Variants in FREM2 observed in about 807,000 individuals in gnomAD.
The protein encoded by FREM2 is FRAS1-related extracellular matrix protein 2.
A neutral mutation model predicts 219.9 loss-of-function variants in FREM2; 119 were observed. The observed-to-expected ratio is 0.54, with a 90% CI of 0.47 to 0.63. The LOEUF (loss-of-function observed/expected upper bound fraction) is 0.63. FREM2 is among the 30% of genes least tolerant of loss of function. The pLI is 0.00. For missense variants in FREM2, 4,030 were observed against 3,993.6 expected, an observed-to-expected ratio of 1.01 and a Z score of -0.25; for synonymous variants, 1,562 against 1,522.8, an observed-to-expected ratio of 1.03 and a Z score of -0.60.
At position 38,856,639 on chromosome 13, in the gene FREM2, G is replaced by A. The variant is rs763806717; in HGVS notation, c.7056+383G>A. ...GTGCCACAACTCATAAAACATATTC[G>A]AACCCACAAAGCAGTTAGCTAACCC... On this transcript the variant is annotated intron_variant, in intron 12 of 23. Coordinates refer to ENST00000280481, the MANE Select transcript of FREM2 (RefSeq NM_207361.6). Among the ~76,000 whole-genome samples the A allele has an allele frequency of 5.0e-4, 76 of 151,740 alleles. 1 individual carries two copies. The highest frequency in any genetic ancestry group is 7.4e-5 in the Non-Finnish European group (5 of 68,022).
rs539709715 is a variant in FREM2, at chr13:38,806,002, CT to C, written c.6019+21207del. On this transcript the variant is annotated intron_variant, in intron 6 of 23. Transcript: ENST00000280481. ...CACTTTTTTGATAGTCATTTAACAT[CT>C]TTTTTTTTTTTTGTAATAGTTTCCG... 6.7e-3 allele frequency among the ~76,000 whole-genome samples: 956 copies of C among 141,848 alleles called. 8 individuals are homozygous for C. Among genetic ancestry groups the C allele is most frequent in the African/African-American group, 0.015 (591 of 38,976 alleles). 93.1% of individuals were successfully genotyped at this position (141,848 alleles called of 152,430 possible).
In FREM2 at chr13:38,851,840, T is replaced by A; in HGVS notation, c.6897T>A (p.Ser2299=). 1.9e-6 allele frequency: 3 copies of A among 1,613,904 alleles called. No individual in the cohort carries two copies. The South Asian group carries it at 3.3e-5, about 18-fold the overall frequency. The change falls in exon 11 of 24, where the codon TCT becomes TCA. Residue 2299 remains serine, a synonymous_variant. Transcript: ENST00000280481. Reference sequence around the variant, plus strand: ...ACACCAAGGATGGCTCGGCCACCTCTGGAGAAGACTACCACCCTGTGTCAG... The same window carrying A: ...ACACCAAGGATGGCTCGGCCACCTCAGGAGAAGACTACCACCCTGTGTCAG... ...RVHTKDGSAT[S]GEDYHPVSEE...
At chr13:38,763,448 G>T (rs1385454009) in intron 2 of FREM2, among the ~76,000 whole-genome samples, 1 of 68,800 alleles carries the variant, frequency 1.5e-5, no homozygotes, top group Non-Finnish European at 3.2e-5. Flanking sequence ...GCCTCTAGCT[G>T]TGTTTGTTAC....
intron 4 of FREM2, among the ~76,000 whole-genome samples, chr13:38,773,620 A>G (rs1873759554): frequency 6.6e-6 from 1 of 151,978 alleles, no homozygotes; most frequent in African/African-American, 2.4e-5. Context: ...TGTAGAGACA[A>G]GAGTCTTACT....
intron 6 of FREM2, among the ~76,000 whole-genome samples, chr13:38,789,093 G>A (rs1177857467): frequency 6.6e-6 from 1 of 151,870 alleles, no homozygotes; most frequent in African/African-American, 2.4e-5. Context: ...CTTTAAATCT[G>A]TTTATTTTTA....
At chr13:38,706,455 A>T (rs917908213) in intron 2 of FREM2, among the ~76,000 whole-genome samples, 1 of 152,318 alleles carries the variant, frequency 6.6e-6, no homozygotes, top group East Asian at 1.9e-4. Flanking sequence ...TGAGAAAACT[A>T]GTAAATTTAG....
At chr13:38,784,845 G>T (rs1346070148) in intron 6 of FREM2, 37 bp downstream of exon 6, 2 of 1,609,392 alleles carry the variant, frequency 1.2e-6, no homozygotes, top group East Asian at 2.2e-5. Flanking sequence ...TTTTTCCCGG[G>T]AAGATCAACA....
rs141460112 is a variant in FREM2 at position 38,875,054 on chromosome 13, A to G, written c.8281+468A>G. On this transcript the variant is annotated intron_variant, in intron 18 of 23. Transcript: ENST00000280481. ...GTTTTGGACATGTTAATTATGTTTA[A>G]TAAGTATTGGCTATGCAATTTTACT... is the stretch of plus-strand genomic sequence containing the variant. Among the ~76,000 whole-genome samples the G allele has an allele frequency of 1.9e-3, 291 of 152,262 alleles. 1 individual carries two copies. Among genetic ancestry groups the G allele is most frequent in the African/African-American group, 6.8e-3 (283 of 41,556 alleles).
Position 38,687,480 on chromosome 13 carries a change from G to A in FREM2, c.136G>A (p.Ala46Thr), listed in dbSNP as rs1869516296. 2 of 1,591,162 alleles carry A rather than the reference G, an allele frequency of 1.3e-6. No homozygotes were observed. The highest frequency in any genetic ancestry group is 1.3e-5 in the African/African-American group (1 of 74,824). The change falls in exon 1 of 24, where the codon GCA becomes ACA. Residue 46 changes from alanine (A) to threonine (T), a missense_variant. Ala to Thr is a moderately conservative substitution (Grantham distance 58, BLOSUM62 0). Transcript: ENST00000280481. ...CCTGTCACTGGTAAGCCGCGTCCCG[G>A]CACAGCCCGCTGCCTTCGGCAGGGC... ...LLLSLVSRVP[A>T]QPAAFGRALL...
At chr13:38,716,024 G>C (rs981102538) in intron 2 of FREM2, among the ~76,000 whole-genome samples, 2 of 152,116 alleles carry the variant, frequency 1.3e-5, no homozygotes, top group African/African-American at 4.8e-5. Flanking sequence ...ATTTACGCCA[G>C]AGTATAAGCA....
At chr13:38,718,866 A>G (rs1408267610) in intron 2 of FREM2, among the ~76,000 whole-genome samples, 1 of 152,144 alleles carries the variant, frequency 6.6e-6, no homozygotes, top group East Asian at 1.9e-4. Context: ...TACCCTGGTC[A>G]CTCATTTGAT....
chr13:38,746,265 A>C (rs1288710878), intron 2 of FREM2, among the ~76,000 whole-genome samples: 1 of 152,200 alleles, frequency 6.6e-6, no homozygotes, highest in Non-Finnish European at 1.5e-5. Context: ...CTTGCAAAAC[A>C]GATAAGTAGG....
intron 6 of FREM2, among the ~76,000 whole-genome samples, chr13:38,813,323 G>A (rs766008767): frequency 7.9e-5 from 12 of 151,812 alleles, no homozygotes; most frequent in Middle Eastern, 3.4e-3. Flanking sequence ...GGATAATTGC[G>A]CAAGATATAC....
rs545744693 is a variant in FREM2 at position 38,797,865 on chromosome 13, G to A, written c.6019+13057G>A. Among the ~76,000 whole-genome samples, 5 of 152,056 alleles carry A rather than the reference G, an allele frequency of 3.3e-5. No individual in the cohort carries two copies. In the South Asian group the frequency reaches 1.0e-3, roughly 32 times the overall value. On this transcript the variant is annotated intron_variant, in intron 6 of 23. Coordinates refer to ENST00000280481, the MANE Select transcript of FREM2 (RefSeq NM_207361.6). The stretch of plus-strand genomic sequence containing the variant: ...CTTCTGCATATAGATATCCAATTTA[G>A]CCAGCAACATTAGTCTTTGGGTTTT...
chr13:38,711,950 C>T (rs1399527894), intron 2 of FREM2, among the ~76,000 whole-genome samples: 2 of 128,058 alleles, frequency 1.6e-5, no homozygotes, highest in African/African-American at 3.2e-5. Flanking sequence ...AGGGGATTCT[C>T]GCTCTGTTGC....
chr13:38,740,406 A>G (rs1224867311), intron 2 of FREM2, among the ~76,000 whole-genome samples: 3 of 152,174 alleles, frequency 2.0e-5, no homozygotes, highest in African/African-American at 7.2e-5. Context: ...TTCTTTAGCA[A>G]TGTGTACACT....
chr13:38,827,590 G>GT (rs1164541952), intron 6 of FREM2: 2 of 152,110 alleles, frequency 1.3e-5, no homozygotes, highest in African/African-American at 4.8e-5. Flanking sequence ...CTTGAAGATG[G>GT]ATGTGTGGAT....
intron 3 of FREM2, among the ~76,000 whole-genome samples, chr13:38,766,673 A>G (rs931409192): frequency 6.6e-6 from 1 of 152,232 alleles, no homozygotes; most frequent in African/African-American, 2.4e-5. Context: ...GTATATTCTC[A>G]AAGATTATTA....
intron 2 of FREM2, among the ~76,000 whole-genome samples, chr13:38,745,744 G>A (rs987685339): frequency 1.1e-4 from 17 of 152,194 alleles, no homozygotes; most frequent in East Asian, 3.9e-4. Context: ...TTTTAATCTC[G>A]CTTCTGCTTT....
Sources: allele counts gnomAD v4.1 joint callset (sites outside exome capture counted in the v4.1 genomes callset), GRCh38; gene constraint gnomAD v4.1.1; transcripts MANE v1.5; gene names NCBI Gene and HGNC (gene_info 2026-07-23, HGNC 2026-07-21).